The following CDK5 variants were observed in gnomAD, a reference collection of about 807,000 sequenced individuals.
CDK5 encodes cyclin dependent kinase 5, also known as cyclin-dependent kinase 5.
A neutral mutation model predicts 44.6 loss-of-function variants in CDK5; 18 were observed. The observed-to-expected ratio is 0.40, with a 90% confidence interval of 0.28 to 0.60. The LOEUF (loss-of-function observed/expected upper bound fraction) is 0.60. Ranked by LOEUF, CDK5 falls within the 20% of genes least tolerant of loss-of-function variation. CDK5 has a pLI of 0.38. For missense variants in CDK5, 198 were observed against 368.1 expected (o/e 0.54, Z 3.78); for synonymous variants, 143 against 152.8 (o/e 0.94, Z 0.47).
Position 151,057,891 on chromosome 7 carries a change from C to A in CDK5, c.-43G>T. ...CCCCTGCGGGCCCTCGGTTTTAAGACTCTGGCCCCGGCGTTGCAGAGGAGG... is the reference window on the plus strand; with the variant it reads ...CCCCTGCGGGCCCTCGGTTTTAAGAATCTGGCCCCGGCGTTGCAGAGGAGG... On this transcript the variant is annotated 5_prime_UTR_variant, in exon 1 of 12. Coordinates refer to ENST00000485972, the MANE Select transcript of CDK5 (RefSeq NM_004935.4). The surrounding 1 kb of genome is among the most constrained non-coding windows in gnomAD (Gnocchi z 5.2). The A allele has an allele frequency of 6.3e-7, 1 of 1,579,536 alleles. No individual in the cohort carries two copies. Among genetic ancestry groups the A allele is most frequent in the South Asian group, 1.1e-5 (1 of 87,206 alleles).
chr7:151,056,407 T>C lies in CDK5; in HGVS notation c.312+173A>G, dbSNP rs1185003752. ...ACTGTGCGGGTCAAAGATGACCACG[T>C]GAAAATGCTCACTAAGACTGGAGAC... On this transcript the variant is annotated intron_variant, in intron 5 of 11. Transcript: ENST00000485972. The surrounding 1 kb of genome is among the most constrained non-coding windows in gnomAD (Gnocchi z 4.7). 2 of 623,176 alleles carry C rather than the reference T, an allele frequency of 3.2e-6. No homozygotes were observed. The highest frequency in any genetic ancestry group is 3.7e-5 in the African/African-American group (2 of 54,394). 38.6% of individuals were successfully genotyped at this position (623,176 alleles called of 1,614,324 possible).
chr7:151,054,672 AACCCACAT>A lies in CDK5; in HGVS notation c.651-215_651-208del, dbSNP rs1229435797. 6.6e-6 allele frequency among the ~76,000 whole-genome samples: 1 copy of A among 152,080 alleles called. No homozygotes were observed. The highest frequency in any genetic ancestry group is 1.5e-5 in the Non-Finnish European group (1 of 67,994). ...GCCACGTTTCCCATGACAATCACCT[AACCCACAT>A]GCTGCTGTCCTAGTCCTAATGAAAC... is the stretch of plus-strand genomic sequence containing the variant. On this transcript the variant is annotated intron_variant, in intron 9 of 11. Transcript: ENST00000485972. The surrounding 1 kb of genome is among the most constrained non-coding windows in gnomAD (Gnocchi z 5.7).
chr7:151,053,817 T>G lies in CDK5; in HGVS notation c.*192A>C. 1.7e-6 allele frequency: 1 copy of G among 599,208 alleles called. No homozygotes were observed. The highest frequency in any genetic ancestry group is 2.0e-5 in the South Asian group (1 of 50,180). 37.1% of individuals were successfully genotyped at this position (599,208 alleles called of 1,614,324 possible). A position where few individuals can be genotyped will look rare whatever the true frequency, so the allele number is the denominator to read the frequency against. On this transcript the variant is annotated 3_prime_UTR_variant, in exon 12 of 12. Coordinates refer to ENST00000485972, the MANE Select transcript of CDK5 (RefSeq NM_004935.4). ...CTTGACCACCACATCAACCAGACTG[T>G]GGGAAAGGAGCCAATTTATGAAATT...
chr7:151,057,213 C>G lies in CDK5; in HGVS notation c.38-53G>C. ...TGAGGATGCGGCACTCTTCCCTAAGCCAGGAAATGCCTCCTGAGAGAGGTG... is the reference window on the plus strand; with the variant it reads ...TGAGGATGCGGCACTCTTCCCTAAGGCAGGAAATGCCTCCTGAGAGAGGTG... On this transcript the variant is annotated intron_variant, in intron 1 of 11. Coordinates refer to ENST00000485972, the MANE Select transcript of CDK5 (RefSeq NM_004935.4). This position sits in a 1 kb window ranked among gnomAD's most constrained non-coding sequence, Gnocchi z 5.2. The G allele has an allele frequency of 1.5e-6, 2 of 1,304,734 alleles. No individual in the cohort carries two copies. The highest frequency in any genetic ancestry group is 2.4e-5 in the South Asian group (2 of 84,940). 80.8% of individuals were successfully genotyped at this position (1,304,734 alleles called of 1,614,324 possible). A position where few individuals can be genotyped will look rare whatever the true frequency, so the allele number is the denominator to read the frequency against.
Position 151,056,901 on chromosome 7 carries a change from C to T in CDK5, c.194+7G>A. 1 of 1,606,176 alleles carries T rather than the reference C, an allele frequency of 6.2e-7. No homozygotes were observed. The highest frequency in any genetic ancestry group is 1.1e-5 in the South Asian group (1 of 90,248). On this transcript the variant is annotated splice_region_variant and intron_variant, in intron 3 of 11. Coordinates refer to ENST00000485972, the MANE Select transcript of CDK5 (RefSeq NM_004935.4). The surrounding 1 kb of genome is among the most constrained non-coding windows in gnomAD (Gnocchi z 4.7). ...ACACCGGCAAGGAGCACCCGCCTCC[C>T]GCACACCTGACGATGTTCTTGTGCT...
chr7:151,055,654 T>G (rs1271988639), intron 6 of CDK5, 48 bp from the exon 7 acceptor site: 1 of 1,581,286 alleles, frequency 6.3e-7, no homozygotes, highest in South Asian at 1.1e-5. Context: ...TAAAAAGCCT[T>G]GGGACAGCAC....
At position 151,056,299 on chromosome 7, in the gene CDK5, T is replaced by C. The variant is rs964510922; in HGVS notation, c.312+281A>G. Reference sequence around the variant, plus strand: ...CACACAGTGAAGCATTCAGTAAGTATGTGTTGAATGAATGAGTGTATCTCC... The same window carrying C: ...CACACAGTGAAGCATTCAGTAAGTACGTGTTGAATGAATGAGTGTATCTCC... On this transcript the variant is annotated intron_variant, in intron 5 of 11. Coordinates refer to ENST00000485972, the MANE Select transcript of CDK5 (RefSeq NM_004935.4). This position sits in a 1 kb window ranked among gnomAD's most constrained non-coding sequence, Gnocchi z 4.7. 6.9e-6 allele frequency: 4 copies of C among 576,762 alleles called. No homozygotes were observed. Among genetic ancestry groups the C allele is most frequent in the South Asian group, 2.2e-5 (1 of 46,418 alleles). The allele number at this position is 576,762 out of a possible 1,614,324, so 35.7% of individuals were successfully genotyped here.
rs1041000556 is a variant in CDK5, at chr7:151,054,065, T to C, written c.823A>G (p.Ile275Val). The C allele has an allele frequency of 1.3e-5, 21 of 1,602,782 alleles. No individual in the cohort carries two copies. Among genetic ancestry groups the C allele is most frequent in the Non-Finnish European group, 1.8e-5 (21 of 1,174,842 alleles). The change falls in exon 12 of 12, where the codon ATC becomes GTC. Residue 275 changes from isoleucine (I) to valine (V), a missense_variant. Coordinates refer to ENST00000485972, the MANE Select transcript of CDK5 (RefSeq NM_004935.4). The surrounding 1 kb of genome is among the most constrained non-coding windows in gnomAD (Gnocchi z 5.7). Reference sequence around the variant, plus strand: ...TGCTGCAGGGCCTCTTCTGCTGAGATACGCTGGACAGGGTTACACTTCAGA... The same window carrying C: ...TGCTGCAGGGCCTCTTCTGCTGAGACACGCTGGACAGGGTTACACTTCAGA... Reference protein sequence around the residue: ...NLLKCNPVQRISAEEALQHPY... With the variant: ...NLLKCNPVQRVSAEEALQHPY...
chr7:151,056,522 A>C lies in CDK5; in HGVS notation c.312+58T>G. The C allele has an allele frequency of 2.7e-6, 4 of 1,504,506 alleles. No individual in the cohort carries two copies. The Middle Eastern group carries it at 6.0e-4, about 227-fold the overall frequency. 93.2% of individuals were successfully genotyped at this position (1,504,506 alleles called of 1,614,324 possible). A position where few individuals can be genotyped will look rare whatever the true frequency, so the allele number is the denominator to read the frequency against. On this transcript the variant is annotated intron_variant, in intron 5 of 11. Transcript: ENST00000485972. The surrounding 1 kb of genome is among the most constrained non-coding windows in gnomAD (Gnocchi z 4.7). ...CAAACTTAGAGCCCAAGGGGTGCTT[A>C]CACCGAATGCAGACTCCGACCCCAG...
At position 151,054,536 on chromosome 7, in the gene CDK5, T is replaced by C; in HGVS notation, c.651-71A>G. On this transcript the variant is annotated intron_variant, in intron 9 of 11. Coordinates refer to ENST00000485972, the MANE Select transcript of CDK5 (RefSeq NM_004935.4). This position sits in a 1 kb window ranked among gnomAD's most constrained non-coding sequence, Gnocchi z 5.7. ...TCTTCAGGGGCAGGGTGAGGGCCTC[T>C]TCCCCTCCTGGGGAGGGATTCCTCA... The C allele has an allele frequency of 7.0e-7, 1 of 1,436,422 alleles. No individual in the cohort carries two copies. The highest frequency in any genetic ancestry group is 9.6e-7 in the Non-Finnish European group (1 of 1,040,564). 89.0% of individuals were successfully genotyped at this position (1,436,422 alleles called of 1,614,324 possible).
chr7:151,056,018 C>G lies in CDK5; in HGVS notation c.313-170G>C, dbSNP rs1796886539. 1.6e-6 allele frequency: 1 copy of G among 620,552 alleles called. No individual in the cohort carries two copies. Among genetic ancestry groups the G allele is most frequent in the Non-Finnish European group, 2.9e-6 (1 of 343,862 alleles). 38.4% of individuals were successfully genotyped at this position (620,552 alleles called of 1,614,324 possible). On this transcript the variant is annotated intron_variant, in intron 5 of 11. Coordinates refer to ENST00000485972, the MANE Select transcript of CDK5 (RefSeq NM_004935.4). The surrounding 1 kb of genome is among the most constrained non-coding windows in gnomAD (Gnocchi z 4.7). ...CATCCAGGACCTGCTTTATACTGTG[C>G]TAGGCATTAGAGGGACCAAAGTAAA...
rs2150362214 is a variant in CDK5, at chr7:151,057,206, C to T, written c.38-46G>A. The T allele has an allele frequency of 6.9e-7, 1 of 1,439,830 alleles. No individual in the cohort carries two copies. The highest frequency in any genetic ancestry group is 1.4e-5 in the African/African-American group (1 of 71,550). The allele number at this position is 1,439,830 out of a possible 1,614,324, so 89.2% of individuals were successfully genotyped here. A position where few individuals can be genotyped will look rare whatever the true frequency, so the allele number is the denominator to read the frequency against. On this transcript the variant is annotated intron_variant, in intron 1 of 11. Transcript: ENST00000485972. This position sits in a 1 kb window ranked among gnomAD's most constrained non-coding sequence, Gnocchi z 5.2. The stretch of plus-strand genomic sequence containing the variant: ...GTCAGGGTGAGGATGCGGCACTCTT[C>T]CCTAAGCCAGGAAATGCCTCCTGAG...
In CDK5 at chr7:151,055,834, C is replaced by G; in HGVS notation, c.327G>C (p.Gln109His). ...DPEIVKSFLFQLLKGLGFCHS... is the reference protein window; with the variant it reads ...DPEIVKSFLFHLLKGLGFCHS... ...GACAGAATCCCAGCCCTTTTAGTAG[C>G]TGGAAGAGGAATGACTGGGAGGAGA... Residue 109 changes from glutamine to histidine, a missense_variant, in exon 6 of 12, where the codon CAG (glutamine) becomes CAC (histidine). By Grantham distance (24) the Gln-to-His change is conservative. Coordinates refer to ENST00000485972, the MANE Select transcript of CDK5 (RefSeq NM_004935.4). 2 of 1,608,608 alleles carry G rather than the reference C, an allele frequency of 1.2e-6. No homozygotes were observed. The highest frequency in any genetic ancestry group is 1.7e-6 in the Non-Finnish European group (2 of 1,177,228).
rs1796860275 is a variant in CDK5 at position 151,054,705 on chromosome 7, C to G, written c.651-240G>C. ...TGCTGCTGTCCTAGTCCTAATGAAA[C>G]AGTCCTTGCCCTGCTCCCACAAAAT... On this transcript the variant is annotated intron_variant, in intron 9 of 11. Coordinates refer to ENST00000485972, the MANE Select transcript of CDK5 (RefSeq NM_004935.4). This position sits in a 1 kb window ranked among gnomAD's most constrained non-coding sequence, Gnocchi z 5.7. 6.6e-6 allele frequency among the ~76,000 whole-genome samples: 1 copy of G among 152,192 alleles called. No homozygotes were observed. The highest frequency in any genetic ancestry group is 6.5e-5 in the Admixed American group (1 of 15,282).
At position 151,057,890 on chromosome 7, in the gene CDK5, ACT is replaced by A. The variant is rs767129293; in HGVS notation, c.-44_-43del. 4.7e-5 allele frequency: 74 copies of A among 1,580,200 alleles called. No homozygotes were observed. In the South Asian group the frequency reaches 6.1e-4, roughly 13 times the overall value. On this transcript the variant is annotated 5_prime_UTR_variant, in exon 1 of 12. Transcript: ENST00000485972. This position sits in a 1 kb window ranked among gnomAD's most constrained non-coding sequence, Gnocchi z 5.2. The stretch of plus-strand genomic sequence containing the variant: ...ACCCCTGCGGGCCCTCGGTTTTAAG[ACT>A]CTGGCCCCGGCGTTGCAGAGGAGGC...
chr7:151,057,208 C>T lies in CDK5; in HGVS notation c.38-48G>A, dbSNP rs769552559. The T allele has an allele frequency of 6.3e-6, 9 of 1,422,248 alleles. No homozygotes were observed. In the Admixed American group the frequency reaches 1.5e-4, roughly 24 times the overall value. 88.1% of individuals were successfully genotyped at this position (1,422,248 alleles called of 1,614,324 possible). A position where few individuals can be genotyped will look rare whatever the true frequency, so the allele number is the denominator to read the frequency against. ...CAGGGTGAGGATGCGGCACTCTTCCCTAAGCCAGGAAATGCCTCCTGAGAG... is the reference window on the plus strand; with the variant it reads ...CAGGGTGAGGATGCGGCACTCTTCCTTAAGCCAGGAAATGCCTCCTGAGAG... On this transcript the variant is annotated intron_variant, in intron 1 of 11. Transcript: ENST00000485972. The surrounding 1 kb of genome is among the most constrained non-coding windows in gnomAD (Gnocchi z 5.2).
Position 151,056,548 on chromosome 7 carries a change from C to G in CDK5, c.312+32G>C. 1.9e-6 allele frequency: 3 copies of G among 1,596,844 alleles called. No homozygotes were observed. The highest frequency in any genetic ancestry group is 2.6e-6 in the Non-Finnish European group (3 of 1,167,578). On this transcript the variant is annotated intron_variant, in intron 5 of 11. Coordinates refer to ENST00000485972, the MANE Select transcript of CDK5 (RefSeq NM_004935.4). The surrounding 1 kb of genome is among the most constrained non-coding windows in gnomAD (Gnocchi z 4.7). Reference sequence around the variant, plus strand: ...CACCGAATGCAGACTCCGACCCCAGCCTGAGGGGTCCCCCAACACCACTCT... The same window carrying G: ...CACCGAATGCAGACTCCGACCCCAGGCTGAGGGGTCCCCCAACACCACTCT...
chr7:151,054,569 C>A lies in CDK5; in HGVS notation c.651-104G>T. ...CTGGGGAGGGATTCCTCATACCCAC[C>A]GCCCACTTCTCACCCTCCCTTTACC... On this transcript the variant is annotated intron_variant, in intron 9 of 11. Transcript: ENST00000485972. This position sits in a 1 kb window ranked among gnomAD's most constrained non-coding sequence, Gnocchi z 5.7. The A allele has an allele frequency of 1.8e-6, 2 of 1,104,194 alleles. No homozygotes were observed. Among genetic ancestry groups the A allele is most frequent in the Non-Finnish European group, 1.3e-6 (1 of 765,386 alleles). The allele number at this position is 1,104,194 out of a possible 1,614,324, so 68.4% of individuals were successfully genotyped here. A position where few individuals can be genotyped will look rare whatever the true frequency, so the allele number is the denominator to read the frequency against.
In CDK5 at chr7:151,057,348, G is replaced by T; in HGVS notation, c.38-188C>A. The T allele has an allele frequency of 1.6e-6, 1 of 628,894 alleles. No homozygotes were observed. Among genetic ancestry groups the T allele is most frequent in the South Asian group, 1.8e-5 (1 of 55,118 alleles). The allele number at this position is 628,894 out of a possible 1,614,324, so 39.0% of individuals were successfully genotyped here. A position where few individuals can be genotyped will look rare whatever the true frequency, so the allele number is the denominator to read the frequency against. ...GAGGGAGGAGAAGGTGCCCACCGAG[G>T]CTCCAGGGGCTCGGCAGGAGGGGCG... On this transcript the variant is annotated intron_variant, in intron 1 of 11. Transcript: ENST00000485972. This position sits in a 1 kb window ranked among gnomAD's most constrained non-coding sequence, Gnocchi z 5.2.
Sources: gnomAD v4.1 joint callset for allele counts (sites outside exome capture counted in the v4.1 genomes callset) on GRCh38, gnomAD v4.1.1 for gene constraint, Gnocchi (gnomAD v3.1) non-coding constraint, MANE v1.5 for transcripts, NCBI Gene and HGNC (gene_info 2026-07-23, HGNC 2026-07-21) for gene names.